Variants in STK24 observed in about 807,000 individuals in gnomAD.
STK24 encodes serine/threonine kinase 24.
A neutral mutation model predicts 55.6 loss-of-function variants in STK24; 21 were observed. The observed-to-expected ratio is 0.38, with a 90% CI of 0.27 to 0.54. The LOEUF (loss-of-function observed/expected upper bound fraction) is 0.54, where lower values mean the gene tolerates loss of function less well. STK24 is among the 20% of genes least tolerant of loss of function. The pLI is 0.79. For missense variants in STK24, 383 were observed against 538.4 expected (o/e 0.71, Z 2.86); for synonymous variants, 200 against 215.2 (o/e 0.93, Z 0.62).
At chr13:98,484,739 G>T (rs755174348) in intron 2 of STK24, among the ~76,000 whole-genome samples, 1 of 152,104 alleles carries the variant, frequency 6.6e-6, no homozygotes, top group South Asian at 2.1e-4. Flanking sequence ...CAAGTTTTCT[G>T]TGTCGCCCTG....
At chr13:98,488,805 T>TAA (rs373575793) in intron 2 of STK24, among the ~76,000 whole-genome samples, 1 of 150,782 alleles carries the variant, frequency 6.6e-6, no homozygotes, top group African/African-American at 2.4e-5. Context: ...CCACCAAGGT[T>TAA]AAAAAAAAAG....
intron 7 of STK24, among the ~76,000 whole-genome samples, chr13:98,462,434 G>A (rs988997347): frequency 6.6e-6 from 1 of 152,036 alleles, no homozygotes; most frequent in African/African-American, 2.4e-5. Flanking sequence ...ATGGTGTGCT[G>A]ATCACTCCCT....
chr13:98,501,363 G>T (rs978263273), intron 2 of STK24, among the ~76,000 whole-genome samples: 2 of 152,214 alleles, frequency 1.3e-5, no homozygotes, highest in African/African-American at 4.8e-5. Context: ...GCTAGCCAGG[G>T]GTGGGGCGGG....
At position 98,460,349 on chromosome 13, in the gene STK24, G is replaced by A. The variant is rs373679633; in HGVS notation, c.1122+23C>T. The A allele has an allele frequency of 5.5e-5, 89 of 1,609,836 alleles. No individual in the cohort carries two copies. The African/African-American group carries it at 1.0e-3, about 19-fold the overall frequency. On this transcript the variant is annotated intron_variant, in intron 9 of 10. Coordinates refer to ENST00000539966, the MANE Select transcript of STK24 (RefSeq NM_001032296.4). ...CTCCTTCCCCCTCCCCTCCCACTCC[G>A]AAAAGGCCAGCCAGGTACCTACCTC...
intron 5 of STK24, among the ~76,000 whole-genome samples, chr13:98,469,025 C>T (rs942679392): frequency 9.2e-5 from 14 of 152,214 alleles, no homozygotes; most frequent in South Asian, 2.1e-4. Context: ...GCTGAGAGTA[C>T]GTCGGTGATG....
intron 1 of STK24, 139 bp downstream of exon 1, chr13:98,576,606 G>A: frequency 1.6e-6 from 1 of 626,524 alleles, no homozygotes; most frequent in Non-Finnish European, 2.4e-6. Context: ...TCGGACCCCC[G>A]GCCGAGCCGG....
intron 1 of STK24, among the ~76,000 whole-genome samples, chr13:98,545,445 G>C (rs184685910): frequency 1.3e-5 from 2 of 152,176 alleles, no homozygotes; most frequent in East Asian, 3.9e-4. Context: ...AGGAGATCCA[G>C]ATCACGGTGA....
At chr13:98,538,054 C>T (rs1427730964) in intron 1 of STK24, among the ~76,000 whole-genome samples, 1 of 152,076 alleles carries the variant, frequency 6.6e-6, no homozygotes, top group Non-Finnish European at 1.5e-5. Flanking sequence ...TTTTCTGTCA[C>T]AACAGACACC....
rs1893255945 is a variant in STK24 at position 98,452,709 on chromosome 13, A to G, written c.*464T>C. On this transcript the variant is annotated 3_prime_UTR_variant, in exon 11 of 11. Coordinates refer to ENST00000539966, the MANE Select transcript of STK24 (RefSeq NM_001032296.4). ...ACACAGTGATTCCTTATGCACGCCG[A>G]AAGGGTTTCCGTAAAAATGACATTA... The G allele has an allele frequency of 6.4e-6, 1 of 155,958 alleles. No homozygotes were observed. 9.7% of individuals were successfully genotyped at this position (155,958 alleles called of 1,614,324 possible).
At chr13:98,534,070 C>T (rs1427548036) in intron 1 of STK24, among the ~76,000 whole-genome samples, 1 of 152,232 alleles carries the variant, frequency 6.6e-6, no homozygotes, top group Non-Finnish European at 1.5e-5. Context: ...CATCCACATC[C>T]TCCTCCAACC....
At chr13:98,551,952 C>T (rs981745864) in intron 1 of STK24, among the ~76,000 whole-genome samples, 3 of 152,008 alleles carry the variant, frequency 2.0e-5, no homozygotes, top group African/African-American at 7.3e-5. Context: ...GTTAGAGGTT[C>T]GTGACATTGC....
intron 1 of STK24, among the ~76,000 whole-genome samples, chr13:98,537,554 C>T (rs935339195): frequency 6.6e-6 from 1 of 152,152 alleles, no homozygotes; most frequent in Non-Finnish European, 1.5e-5. Flanking sequence ...AGGGTGCCGG[C>T]CTCACTACCC....
chr13:98,489,076 T>A (rs1338184609), intron 2 of STK24, among the ~76,000 whole-genome samples: 1 of 152,212 alleles, frequency 6.6e-6, no homozygotes, highest in Non-Finnish European at 1.5e-5. Flanking sequence ...CTCAAAGCCT[T>A]AAGGCCTGGT....
At chr13:98,496,140 G>A (rs117710318) in intron 2 of STK24, among the ~76,000 whole-genome samples, 29 of 152,314 alleles carry the variant, frequency 1.9e-4, no homozygotes, top group Non-Finnish European at 4.1e-4. Flanking sequence ...AGCCATGGGT[G>A]GGATGATTTA....
chr13:98,524,579 G>A (rs1896368520), intron 1 of STK24, among the ~76,000 whole-genome samples: 1 of 152,212 alleles, frequency 6.6e-6, no homozygotes, highest in South Asian at 2.1e-4. Flanking sequence ...CAGGCGGGTG[G>A]AAAAACCACC....
rs576194448 is a variant in STK24 at position 98,492,075 on chromosome 13, G to A, written c.274-9754C>T. 3.4e-4 allele frequency among the ~76,000 whole-genome samples: 18 copies of A among 52,630 alleles called. No homozygotes were observed. In the South Asian group the frequency reaches 5.8e-3, roughly 17 times the overall value. 34.5% of individuals were successfully genotyped at this position (52,630 alleles called of 152,430 possible). ...AATTCACCTCCTTTAAAGTGCGTGC[G>A]CGTGTGTGTGTGTGTGTGTGTGTGT... On this transcript the variant is annotated intron_variant, in intron 2 of 10. Coordinates refer to ENST00000539966, the MANE Select transcript of STK24 (RefSeq NM_001032296.4).
At chr13:98,568,165 T>C (rs1437150998) in intron 1 of STK24, among the ~76,000 whole-genome samples, 2 of 152,016 alleles carry the variant, frequency 1.3e-5, no homozygotes, top group Non-Finnish European at 2.9e-5. Context: ...CCTGGCTAAT[T>C]TTTGTGTTTT....
chr13:98,476,229 C>G (rs1894365281), intron 3 of STK24, among the ~76,000 whole-genome samples: 1 of 143,928 alleles, frequency 6.9e-6, no homozygotes, highest in South Asian at 2.2e-4. Context: ...TCACTTCAAA[C>G]CAGACGGGAA....
chr13:98,472,503 T>G (rs1287768196), intron 5 of STK24, among the ~76,000 whole-genome samples: 2 of 152,182 alleles, frequency 1.3e-5, no homozygotes, highest in Admixed American at 1.3e-4. Context: ...CCACGGCACT[T>G]TGCATGATCT....
Sources: allele counts gnomAD v4.1 joint callset (sites outside exome capture counted in the v4.1 genomes callset), GRCh38; gene constraint gnomAD v4.1.1; transcripts MANE v1.5; gene names NCBI Gene and HGNC (gene_info 2026-07-23, HGNC 2026-07-21).